Variants in TACR3 observed in about 807,000 individuals in gnomAD.
TACR3 encodes neuromedin-K receptor.
In TACR3, 34 loss-of-function variants were observed where a neutral mutation model predicts 35.0. The observed-to-expected ratio is 0.97, with a 90% CI of 0.74 to 1.30. The LOEUF is 1.30. Ranked by LOEUF, TACR3 falls within the 50% of genes most tolerant of loss-of-function variation. TACR3 has a pLI of 0.00. For synonymous variants in TACR3, 233 were observed against 221.1 expected (o/e 1.05, Z -0.48); for missense variants, 558 against 591.7 (o/e 0.94, Z 0.59).
intron 3 of TACR3, among the ~76,000 whole-genome samples, chr4:103,628,612 C>A (rs1359622889): frequency 1.3e-5 from 2 of 152,156 alleles, no homozygotes; most frequent in Non-Finnish European, 2.9e-5. Context: ...GAAGTCAAAT[C>A]TCTGAATAGA....
At chr4:103,702,762 G>T (rs1722686865) in intron 1 of TACR3, among the ~76,000 whole-genome samples, 1 of 151,986 alleles carries the variant, frequency 6.6e-6, no homozygotes, top group Admixed American at 6.5e-5. Flanking sequence ...GGACATGGAT[G>T]AAGCTGGAAA....
At chr4:103,672,324 A>G (rs1726075248) in intron 1 of TACR3, among the ~76,000 whole-genome samples, 2 of 152,152 alleles carry the variant, frequency 1.3e-5, no homozygotes, top group Admixed American at 6.6e-5. Context: ...AGGAATCACT[A>G]TGGCAGCTAT....
chr4:103,620,472 C>T (rs945179495), intron 3 of TACR3, among the ~76,000 whole-genome samples: 1 of 152,150 alleles, frequency 6.6e-6, no homozygotes, highest in Admixed American at 6.5e-5. Context: ...TATTCATTCA[C>T]AATAGCAAAG....
intron 3 of TACR3, among the ~76,000 whole-genome samples, chr4:103,651,865 G>A (rs1272604456): frequency 2.0e-5 from 3 of 151,970 alleles, no homozygotes; most frequent in East Asian, 3.9e-4. Flanking sequence ...TCTAGTCCAG[G>A]TTGTGTCTAG....
At chr4:103,633,340 G>C (rs1031635532) in intron 3 of TACR3, among the ~76,000 whole-genome samples, 3 of 152,014 alleles carry the variant, frequency 2.0e-5, no homozygotes, top group Non-Finnish European at 4.4e-5. Flanking sequence ...GTAATCCTAA[G>C]GGCTAAATGA....
intron 1 of TACR3, among the ~76,000 whole-genome samples, chr4:103,662,725 G>A (rs1261864515): frequency 6.6e-6 from 1 of 152,188 alleles, no homozygotes; most frequent in Non-Finnish European, 1.5e-5. Flanking sequence ...TAGGGAGAAT[G>A]TTATGTGAAG....
chr4:103,613,571 C>G (rs1255813803), intron 3 of TACR3, among the ~76,000 whole-genome samples: 1 of 151,868 alleles, frequency 6.6e-6, no homozygotes, highest in East Asian at 1.9e-4. Context: ...TTGTGATCTG[C>G]CCACCTTGGC....
At chr4:103,676,263 A>T (rs1486347535) in intron 1 of TACR3, among the ~76,000 whole-genome samples, 1 of 152,222 alleles carries the variant, frequency 6.6e-6, no homozygotes, top group Non-Finnish European at 1.5e-5. Context: ...TTCACAAATG[A>T]GGACTTCAGC....
chr4:103,717,686 A>C (rs2110235031), intron 1 of TACR3, among the ~76,000 whole-genome samples: 2 of 152,290 alleles, frequency 1.3e-5, no homozygotes, highest in East Asian at 3.9e-4. Flanking sequence ...AACATATACT[A>C]TAAGAAATAA....
intron 1 of TACR3, among the ~76,000 whole-genome samples, chr4:103,694,701 C>T (rs1045959434): frequency 6.6e-6 from 1 of 152,018 alleles, no homozygotes; most frequent in Non-Finnish European, 1.5e-5. Context: ...GTGTAATGAA[C>T]TTGGTATTAA....
At chr4:103,619,803 G>A (rs7657942) in intron 3 of TACR3, among the ~76,000 whole-genome samples, 36,125 of 152,050 alleles carry the variant, frequency 0.24, 4,635 homozygotes, top group Middle Eastern at 0.33. Flanking sequence ...ATTGATTCTG[G>A]TTGTGTGGTG....
At chr4:103,627,452 C>T (rs909169842) in intron 3 of TACR3, among the ~76,000 whole-genome samples, 7 of 150,564 alleles carry the variant, frequency 4.6e-5, no homozygotes, top group South Asian at 2.1e-4. Context: ...TGAACCTGGG[C>T]GGCAGAGGTA....
rs1270734634 is a variant in TACR3, at chr4:103,719,306, G to A, written c.370C>T (p.Leu124Phe). Residue 124 changes from leucine (L) to phenylalanine (F), a missense_variant, in exon 1 of 5, where the codon CTT becomes TTT. Transcript: ENST00000304883. ...KRMRTVTNYF[L>F]VNLAFSDASM... is the part of the protein sequence containing the mutation. ...GCGTCGGAGAAAGCCAGGTTCACAA[G>A]GAAGTAGTTGGTGACAGTCCTCATG... is the stretch of plus-strand genomic sequence containing the variant. The A allele has an allele frequency of 6.2e-7, 1 of 1,614,206 alleles. No homozygotes were observed. The highest frequency in any genetic ancestry group is 8.5e-7 in the Non-Finnish European group (1 of 1,180,024).
intron 1 of TACR3, among the ~76,000 whole-genome samples, chr4:103,681,173 T>G (rs1722078862): frequency 1.3e-5 from 2 of 152,034 alleles, no homozygotes; most frequent in Non-Finnish European, 2.9e-5. Context: ...AATGTCACTT[T>G]AGTTATTCAG....
At chr4:103,629,862 A>AAAAAAAAAAAAAAAAAAAAC (rs1725011576) in intron 3 of TACR3, among the ~76,000 whole-genome samples, 4 of 111,554 alleles carry the variant, frequency 3.6e-5, no homozygotes, top group Non-Finnish European at 5.6e-5. Flanking sequence ...AAAAAAAAAC[A>AAAAAAAAAAAAAAAAAAAAC]AAAAAAAAAC....
At chr4:103,653,154 G>C (rs1725659055) in intron 3 of TACR3, among the ~76,000 whole-genome samples, 1 of 152,012 alleles carries the variant, frequency 6.6e-6, no homozygotes, top group South Asian at 2.1e-4. Context: ...CCAAGAGGAA[G>C]ACATATAAAC....
intron 1 of TACR3, among the ~76,000 whole-genome samples, chr4:103,690,518 G>A (rs932925692): frequency 1.3e-5 from 2 of 151,932 alleles, no homozygotes; most frequent in East Asian, 3.9e-4. Context: ...GAACAAAAGG[G>A]AAATAGACAA....
chr4:103,656,471 C>T (rs1578245755), intron 2 of TACR3, 127 bp from the exon 3 acceptor site: 1 of 880,270 alleles, frequency 1.1e-6, no homozygotes, highest in East Asian at 2.7e-5. Context: ...TCTATACATT[C>T]ATCTCAAAAT....
At position 103,658,411 on chromosome 4, in the gene TACR3, A is replaced by G; in HGVS notation, c.549-8T>C. On this transcript the variant is annotated splice_polypyrimidine_tract_variant and splice_region_variant and intron_variant, in intron 1 of 4. Transcript: ENST00000304883. ...TCAATAATAGCCATATACCTATATA[A>G]AAACAAACAAAACCATTTCATTGGT... 6.2e-7 allele frequency: 1 copy of G among 1,611,430 alleles called. No individual in the cohort carries two copies. Among genetic ancestry groups the G allele is most frequent in the East Asian group, 2.2e-5 (1 of 44,702 alleles).
Sources: gnomAD v4.1 joint callset for allele counts (sites outside exome capture counted in the v4.1 genomes callset) on GRCh38, gnomAD v4.1.1 for gene constraint, MANE v1.5 for transcripts, NCBI Gene and HGNC (gene_info 2026-07-23, HGNC 2026-07-21) for gene names.